The following NFXL1 variants were observed in gnomAD, a reference collection of about 807,000 sequenced individuals.
NFXL1 encodes the protein NF-X1-type zinc finger protein NFXL1.
NFXL1 carries 66 observed loss-of-function variants against 123.3 expected under a neutral mutation model. The ratio of observed to expected loss-of-function variants is 0.54; its 90% confidence interval spans 0.44 to 0.66. The LOEUF (loss-of-function observed/expected upper bound fraction) is 0.66. NFXL1 is among the 30% of genes least tolerant of loss of function. The pLI is 0.00. For missense variants in NFXL1, 944 were observed against 1,125.6 expected, an observed-to-expected ratio of 0.84 and a Z score of 2.31; for synonymous variants, 346 against 360.8, an observed-to-expected ratio of 0.96 and a Z score of 0.46.
At chr4:47,849,952 A>AT (rs11330734) in intron 22 of NFXL1, among the ~76,000 whole-genome samples, 363 of 149,626 alleles carry the variant, frequency 2.4e-3, no homozygotes, top group African/African-American at 7.3e-3. Flanking sequence ...CGTATTATTT[A>AT]TTTTTTTTTT....
At chr4:47,870,947 G>A (rs571685367) in intron 18 of NFXL1, among the ~76,000 whole-genome samples, 1 of 152,174 alleles carries the variant, frequency 6.6e-6, no homozygotes, top group Non-Finnish European at 1.5e-5. Flanking sequence ...CAAAATGATG[G>A]CGAAGGACCA....
intron 18 of NFXL1, among the ~76,000 whole-genome samples, chr4:47,872,035 A>T (rs1735470516): frequency 6.6e-6 from 1 of 152,236 alleles, no homozygotes; most frequent in African/African-American, 2.4e-5. Flanking sequence ...CTTCTATCTA[A>T]ATAATCCATA....
intron 18 of NFXL1, among the ~76,000 whole-genome samples, chr4:47,869,552 T>C (rs993135029): frequency 6.6e-6 from 1 of 151,986 alleles, no homozygotes; most frequent in African/African-American, 2.4e-5. Flanking sequence ...ACATAGAAAC[T>C]CTCAAATACA....
At chr4:47,907,676 AAC>A (rs1405652691) in intron 3 of NFXL1, among the ~76,000 whole-genome samples, 1 of 152,256 alleles carries the variant, frequency 6.6e-6, no homozygotes, top group Non-Finnish European at 1.5e-5. Context: ...TTTTATACAA[AAC>A]ACAGCATAAA....
intron 2 of NFXL1, among the ~76,000 whole-genome samples, chr4:47,913,649 T>A (rs902449523): frequency 3.3e-5 from 5 of 152,188 alleles, no homozygotes; most frequent in Non-Finnish European, 5.9e-5. Context: ...AAACTCTGTG[T>A]TAACCAAACA....
rs999634836 is a variant in NFXL1, at chr4:47,875,243, T to C, written c.2130A>G (p.Pro710=). Residue 710 remains proline, a synonymous_variant, in exon 18 of 23, where the codon CCA becomes CCG. Coordinates refer to ENST00000507489, the MANE Select transcript of NFXL1 (RefSeq NM_001278624.2). ...AAATACATGGGTGAAGACAACCTAG[T>C]GGCCGTGACTTGGAGCACCCTTCCT... is the stretch of plus-strand genomic sequence containing the variant. ...HCEEGCSKSR[P]LGCLHPCILR... 3.7e-6 allele frequency: 6 copies of C among 1,613,512 alleles called. No individual in the cohort carries two copies. The highest frequency in any genetic ancestry group is 5.1e-6 in the Non-Finnish European group (6 of 1,179,608).
rs562911521 is a variant in NFXL1 at position 47,877,599 on chromosome 4, CTT to C, written c.2079+924_2079+925del. ...TAGTTTGATTTTATAATTCTAGCAT[CTT>C]TTTTGTTTTATCATGAGTACATTTT... On this transcript the variant is annotated intron_variant, in intron 17 of 22. Transcript: ENST00000507489. Among the ~76,000 whole-genome samples, 401 of 152,082 alleles carry C rather than the reference CTT, an allele frequency of 2.6e-3. 1 individual carries two copies. The highest frequency in any genetic ancestry group is 4.9e-3 in the Admixed American group (75 of 15,268).
intron 18 of NFXL1, among the ~76,000 whole-genome samples, chr4:47,870,402 G>C (rs889674352): frequency 6.6e-6 from 1 of 152,044 alleles, no homozygotes; most frequent in East Asian, 1.9e-4. Flanking sequence ...CAAGAAAACA[G>C]AAATTGTTGG....
rs749913576 is a variant in NFXL1 at position 47,894,140 on chromosome 4, T to C, written c.1452+40A>G. Reference sequence around the variant, plus strand: ...GGGCCCAAAATGGAGAAATTCAATATAGTCTTTAAATCAGAGGTTTCCAAG... The same window carrying C: ...GGGCCCAAAATGGAGAAATTCAATACAGTCTTTAAATCAGAGGTTTCCAAG... On this transcript the variant is annotated intron_variant, in intron 11 of 22. Coordinates refer to ENST00000507489, the MANE Select transcript of NFXL1 (RefSeq NM_001278624.2). 18 of 1,520,666 alleles carry C rather than the reference T, an allele frequency of 1.2e-5. No individual in the cohort carries two copies. The Admixed American group carries it at 2.4e-4, about 20-fold the overall frequency. 94.2% of individuals were successfully genotyped at this position (1,520,666 alleles called of 1,614,324 possible).
Position 47,898,782 on chromosome 4 carries a change from G to C in NFXL1, c.1064C>G (p.Ala355Gly), listed in dbSNP as rs572140097. The C allele has an allele frequency of 2.4e-5, 39 of 1,606,814 alleles. No homozygotes were observed. The South Asian group carries it at 4.1e-4, about 17-fold the overall frequency. ...CGKKVAERSC[A>G]SPLWHCDQVC... The stretch of plus-strand genomic sequence containing the variant: ...TTGATCACAGTGCCATAGTGGACTT[G>C]CACAACTTCTTTCAGCTACTTTTTT... The change falls in exon 8 of 23, where the codon GCA becomes GGA. Residue 355 changes from alanine to glycine, a missense_variant. This residue lies in a region of NFXL1 where 296 missense variants were observed against 395.1 expected (regional missense o/e 0.75). Coordinates refer to ENST00000507489, the MANE Select transcript of NFXL1 (RefSeq NM_001278624.2).
At chr4:47,887,893 T>C (rs900029030) in intron 12 of NFXL1, among the ~76,000 whole-genome samples, 85 of 152,254 alleles carry the variant, frequency 5.6e-4, no homozygotes, top group African/African-American at 2.0e-3. Context: ...ACTATAACTA[T>C]ACTGACCAAT....
intron 5 of NFXL1, among the ~76,000 whole-genome samples, chr4:47,901,797 G>A (rs1315365998): frequency 4.6e-5 from 7 of 152,146 alleles, no homozygotes; most frequent in Non-Finnish European, 8.8e-5. Context: ...TATCCCCACT[G>A]GTAACAGGAG....
At chr4:47,848,428 T>C in intron 22 of NFXL1, 92 bp from the exon 23 acceptor site, 1 of 950,266 alleles carries the variant, frequency 1.1e-6, no homozygotes, top group Non-Finnish European at 1.6e-6. Context: ...GGTAATGTTT[T>C]AATAGTAATG....
rs1447115688 is a variant in NFXL1, at chr4:47,851,925, T to G, written c.2439A>C (p.Lys813Asn). The G allele has an allele frequency of 6.2e-7, 1 of 1,609,930 alleles. No individual in the cohort carries two copies. Among genetic ancestry groups the G allele is most frequent in the Admixed American group, 1.7e-5 (1 of 59,954 alleles). Residue 813 changes from lysine to asparagine, a missense_variant, in exon 21 of 23, where the codon AAA (lysine) becomes AAC (asparagine). By Grantham distance (94) the Lys-to-Asn change is moderately conservative. Coordinates refer to ENST00000507489, the MANE Select transcript of NFXL1 (RefSeq NM_001278624.2). ...KRIKKELQCN[K>N]VRENQVSIEC... is the part of the protein sequence containing the mutation. ...CTATTGAAACCTGATTTTCACGTAC[T>G]TTGTTGCACTGCAATTCCTACAAAC... is the stretch of plus-strand genomic sequence containing the variant.
intron 3 of NFXL1, among the ~76,000 whole-genome samples, chr4:47,909,918 C>T (rs1021909709): frequency 2.6e-5 from 4 of 152,142 alleles, no homozygotes; most frequent in African/African-American, 9.7e-5. Flanking sequence ...GCCTCGGCCT[C>T]CCAAAGTGCT....
chr4:47,888,378 A>T (rs1166253459), intron 12 of NFXL1, among the ~76,000 whole-genome samples: 1 of 152,236 alleles, frequency 6.6e-6, no homozygotes, highest in Middle Eastern at 3.2e-3. Context: ...ATTATGAAGG[A>T]TTCTAGAATG....
intron 20 of NFXL1, 120 bp from the exon 21 acceptor site, chr4:47,852,062 TTAA>T (rs1401143684): frequency 1.7e-6 from 1 of 587,220 alleles, no homozygotes; most frequent in Non-Finnish European, 3.0e-6. Flanking sequence ...GTCTTAATAT[TTAA>T]TGATGATATA....
chr4:47,882,533 C>A (rs1237636247), intron 15 of NFXL1, among the ~76,000 whole-genome samples: 1 of 152,206 alleles, frequency 6.6e-6, no homozygotes, highest in Non-Finnish European at 1.5e-5. Flanking sequence ...AATTAAACAA[C>A]TATAGAGCTG....
chr4:47,850,962 G>T (rs555102965), intron 22 of NFXL1, 133 bp downstream of exon 22: 3 of 629,970 alleles, frequency 4.8e-6, no homozygotes, highest in Non-Finnish European at 8.4e-6. Context: ...GCTCATTTTT[G>T]TTTTACAAGA....
Sources: gnomAD v4.1 joint callset for allele counts (sites outside exome capture counted in the v4.1 genomes callset) on GRCh38, gnomAD v4.1.1 for gene constraint, gnomAD v4.1.1 regional missense constraint, MANE v1.5 for transcripts, NCBI Gene and HGNC (gene_info 2026-07-23, HGNC 2026-07-21) for gene names.